Variants in ADAMTS14 observed in about 807,000 individuals in gnomAD.
ADAMTS14 encodes ADAM metallopeptidase with thrombospondin type 1 motif 14.
In ADAMTS14, 100 loss-of-function variants were observed where a neutral mutation model predicts 128.6. That is an observed-to-expected ratio of 0.78 (90% CI 0.66 to 0.92). The LOEUF is 0.92. ADAMTS14 is among the 40% of genes least tolerant of loss of function. The pLI is 0.00. For synonymous variants in ADAMTS14, 665 were observed against 653.8 expected (o/e 1.02, Z -0.26); for missense variants, 1,562 against 1,658.6 (o/e 0.94, Z 1.01).
Position 70,725,229 on chromosome 10 carries a change from G to A in ADAMTS14, c.871-4065G>A, listed in dbSNP as rs114900965. Among the ~76,000 whole-genome samples the A allele has an allele frequency of 7.2e-3, 1,099 of 152,254 alleles. 17 individuals are homozygous for A. Among genetic ancestry groups the A allele is most frequent in the African/African-American group, 0.025 (1,044 of 41,534 alleles). On this transcript the variant is annotated intron_variant, in intron 4 of 21. Transcript: ENST00000373207. ...CAGAAAGGGAGCAGACATGCTCAGT[G>A]AAACTGCCAGCAGGAGACTTAAGGC...
At position 70,760,803 on chromosome 10, in the gene ADAMTS14, G is replaced by A. The variant is rs1190213398; in HGVS notation, c.3622G>A (p.Asp1208Asn). ...VPEDKGQPGE[D>N]LRHPGTSLPA... ...TGAGGACAAAGGGCAACCTGGAGAAGACCTGAGACATCCCGGCACCAGCCT... is the reference window on the plus strand; with the variant it reads ...TGAGGACAAAGGGCAACCTGGAGAAAACCTGAGACATCCCGGCACCAGCCT... Residue 1208 changes from aspartate to asparagine, a missense_variant, in exon 22 of 22, where the codon GAC becomes AAC. By Grantham distance (23) the Asp-to-Asn change is conservative (BLOSUM62 1). Transcript: ENST00000373207. 3.7e-6 allele frequency: 6 copies of A among 1,602,244 alleles called. No individual in the cohort carries two copies. The highest frequency in any genetic ancestry group is 5.1e-6 in the Non-Finnish European group (6 of 1,172,560).
Position 70,752,378 on chromosome 10 carries a change from C to A in ADAMTS14, c.2729+151C>A, listed in dbSNP as rs961708711. ...ACTTTCAGTGCTTCTGGGCTCCAGG[C>A]CCAGGCCAGGATGCTGACCTCTACC... is the stretch of plus-strand genomic sequence containing the variant. On this transcript the variant is annotated intron_variant, in intron 18 of 21. Transcript: ENST00000373207. The A allele has an allele frequency of 2.4e-6, 3 of 1,229,238 alleles. No homozygotes were observed. In the Admixed American group the frequency reaches 8.6e-5, roughly 35 times the overall value. The allele number at this position is 1,229,238 out of a possible 1,614,324, so 76.1% of individuals were successfully genotyped here.
intron 4 of ADAMTS14, among the ~76,000 whole-genome samples, chr10:70,724,208 A>C (rs1256577241): frequency 6.6e-6 from 1 of 152,098 alleles, no homozygotes; most frequent in Non-Finnish European, 1.5e-5. Context: ...GTACATACCC[A>C]GTGGTTATCT....
rs976449316 is a variant in ADAMTS14 at position 70,698,258 on chromosome 10, A to T, written c.523-4054A>T. Among the ~76,000 whole-genome samples, 11 of 152,154 alleles carry T rather than the reference A, an allele frequency of 7.2e-5. No homozygotes were observed. In the South Asian group the frequency reaches 2.1e-3, roughly 29 times the overall value. ...TTTTTTCTTGATTTTTTTATACAGA[A>T]ATTTGATTTGATTTTAGCACTTTAA... On this transcript the variant is annotated intron_variant, in intron 2 of 21. Coordinates refer to ENST00000373207, the MANE Select transcript of ADAMTS14 (RefSeq NM_080722.4).
chr10:70,760,770 C>A lies in ADAMTS14; in HGVS notation c.3589C>A (p.Pro1197Thr). The change falls in exon 22 of 22, where the codon CCA (proline) becomes ACA (threonine). Residue 1197 changes from proline (P) to threonine (T), a missense_variant. By Grantham distance (38) the Pro-to-Thr change is conservative. Transcript: ENST00000373207. Reference sequence around the variant, plus strand: ...TTGGGGCTGGACTCAGACACCTACGCCAGTCCCTGAGGACAAAGGGCAACC... The same window carrying A: ...TTGGGGCTGGACTCAGACACCTACGACAGTCCCTGAGGACAAAGGGCAACC... ...LPWGWTQTPT[P>T]VPEDKGQPGE... 6.2e-7 allele frequency: 1 copy of A among 1,613,002 alleles called. No homozygotes were observed. The highest frequency in any genetic ancestry group is 8.5e-7 in the Non-Finnish European group (1 of 1,179,428).
chr10:70,751,591 C>T lies in ADAMTS14; in HGVS notation c.2541C>T (p.Asp847=), dbSNP rs371886529. ...ACAATGTGCTCCTGGAGGAGATGGA[C>T]ACCTATGAGTGGGCGCTCAAGAGCT... is the stretch of plus-strand genomic sequence containing the variant. ...GSNNVLLEEM[D]TYEWALKSWA... Residue 847 remains aspartate (D), a synonymous_variant, in exon 17 of 22, where the codon GAC becomes GAT. Transcript: ENST00000373207. The T allele has an allele frequency of 8.1e-5, 131 of 1,613,648 alleles. No homozygotes were observed. Among genetic ancestry groups the T allele is most frequent in the Middle Eastern group, 6.6e-4 (4 of 6,080 alleles).
intron 15 of ADAMTS14, among the ~76,000 whole-genome samples, chr10:70,748,498 C>A (rs992525188): frequency 5.9e-5 from 9 of 152,140 alleles, no homozygotes; most frequent in African/African-American, 2.2e-4. Context: ...CAGGAAGGGG[C>A]GAGGCTCTTC....
intron 2 of ADAMTS14, among the ~76,000 whole-genome samples, 167 bp from the exon 3 acceptor site, chr10:70,702,145 G>A (rs1840511447): frequency 6.6e-6 from 1 of 152,174 alleles, no homozygotes; most frequent in Admixed American, 6.5e-5. Context: ...CCCTGCCAGG[G>A]CCTCATAGAA....
intron 2 of ADAMTS14, among the ~76,000 whole-genome samples, chr10:70,679,231 A>C (rs1375396401): frequency 6.6e-6 from 1 of 152,214 alleles, no homozygotes; most frequent in Non-Finnish European, 1.5e-5. Context: ...GCCCCTGACC[A>C]GCAGAAAGAA....
chr10:70,677,366 G>A (rs1268013815), intron 2 of ADAMTS14, among the ~76,000 whole-genome samples: 1 of 152,176 alleles, frequency 6.6e-6, no homozygotes, highest in African/African-American at 2.4e-5. Flanking sequence ...CCTTGGGCAA[G>A]TCACCCCCTC....
At position 70,753,913 on chromosome 10, in the gene ADAMTS14, C is replaced by T. The variant is rs116512726; in HGVS notation, c.2843C>T (p.Pro948Leu). Residue 948 changes from proline (P) to leucine (L), a missense_variant, in exon 19 of 22, where the codon CCG (proline) becomes CTG (leucine). Pro to Leu is a moderately conservative substitution (Grantham distance 98). Coordinates refer to ENST00000373207, the MANE Select transcript of ADAMTS14 (RefSeq NM_080722.4). ...PLSNGTHKVM[P>L]AKACAGDRPE... Reference sequence around the variant, plus strand: ...TCCAATGGAACCCACAAGGTCATGCCGGCCAAAGCCTGCGCCGGGGACCGG... The same window carrying T: ...TCCAATGGAACCCACAAGGTCATGCTGGCCAAAGCCTGCGCCGGGGACCGG... The T allele has an allele frequency of 2.0e-4, 315 of 1,591,116 alleles. No homozygotes were observed. In the African/African-American group the frequency reaches 2.7e-3, roughly 14 times the overall value.
At chr10:70,753,751 A>G in intron 18 of ADAMTS14, 49 bp from the exon 19 acceptor site, 1 of 1,486,896 alleles carries the variant, frequency 6.7e-7, no homozygotes, top group South Asian at 1.3e-5. Context: ...GTCCTCTGGG[A>G]TGAAGTGCCC....
intron 16 of ADAMTS14, among the ~76,000 whole-genome samples, chr10:70,750,914 G>A (rs1377922275): frequency 6.6e-6 from 1 of 152,082 alleles, no homozygotes; most frequent in Non-Finnish European, 1.5e-5. Context: ...GAACAGAGGG[G>A]CAAATCTTTA....
chr10:70,754,382 G>A (rs139934538), intron 19 of ADAMTS14, among the ~76,000 whole-genome samples: 9 of 152,266 alleles, frequency 5.9e-5, no homozygotes, highest in African/African-American at 9.6e-5. Context: ...TCTTGCCCTC[G>A]TGCAGCCCAC....
In ADAMTS14 at chr10:70,758,383, C is replaced by G. The variant is rs1009099869; in HGVS notation, c.3178+98C>G. ...TCAGTGGAGCAAACCCAGCTTGTAG[C>G]TGTCTGTGTGACCTTCACCTCCCTG... On this transcript the variant is annotated intron_variant, in intron 21 of 21. Coordinates refer to ENST00000373207, the MANE Select transcript of ADAMTS14 (RefSeq NM_080722.4). 4 of 1,095,244 alleles carry G rather than the reference C, an allele frequency of 3.7e-6. No individual in the cohort carries two copies. In the Admixed American group the frequency reaches 1.0e-4, roughly 28 times the overall value. 67.8% of individuals were successfully genotyped at this position (1,095,244 alleles called of 1,614,324 possible).
intron 2 of ADAMTS14, among the ~76,000 whole-genome samples, chr10:70,690,218 G>T (rs916265399): frequency 1.4e-5 from 2 of 144,562 alleles, no homozygotes; most frequent in Non-Finnish European, 3.2e-5. Flanking sequence ...GGTGGCTGCA[G>T]TGTGGGCATT....
chr10:70,683,846 G>A (rs1021621827), intron 2 of ADAMTS14, among the ~76,000 whole-genome samples: 4 of 152,156 alleles, frequency 2.6e-5, no homozygotes, highest in African/African-American at 9.7e-5. Context: ...TCTGTGGCCA[G>A]TTATCCTCCA....
At chr10:70,698,647 A>G (rs552561318) in intron 2 of ADAMTS14, among the ~76,000 whole-genome samples, 1 of 152,224 alleles carries the variant, frequency 6.6e-6, no homozygotes, top group East Asian at 1.9e-4. Context: ...GACAAGGACC[A>G]TCTCTGGGGA....
rs770333353 is a variant in ADAMTS14, at chr10:70,733,953, C to A, written c.1277C>A (p.Ala426Glu). 2 of 1,613,880 alleles carry A rather than the reference C, an allele frequency of 1.2e-6. No homozygotes were observed. Among genetic ancestry groups the A allele is most frequent in the Non-Finnish European group, 1.7e-6 (2 of 1,179,992 alleles). ...GAGACCAGCCTGGGCAGCGTCATGG[C>A]GCCCCTGGTGCAGGCTGCCTTCCAC... ...ADETSLGSVM[A>E]PLVQAAFHRF... Residue 426 changes from alanine (A) to glutamate (E), a missense_variant, in exon 8 of 22, where the codon GCG (alanine) becomes GAG (glutamate). By Grantham distance (107) the Ala-to-Glu change is moderately radical. Coordinates refer to ENST00000373207, the MANE Select transcript of ADAMTS14 (RefSeq NM_080722.4).
Sources: gnomAD v4.1 joint callset for allele counts (sites outside exome capture counted in the v4.1 genomes callset) on GRCh38, gnomAD v4.1.1 for gene constraint, MANE v1.5 for transcripts, NCBI Gene and HGNC (gene_info 2026-07-23, HGNC 2026-07-21) for gene names.